DCTD: variants seen among roughly 807,000 people sequenced by gnomAD.
The protein encoded by DCTD is deoxycytidylate deaminase.
A neutral mutation model predicts 21.0 loss-of-function variants in DCTD; 23 were observed. The observed-to-expected ratio is 1.09, with a 90% CI of 0.79 to 1.55. The LOEUF is 1.55. Ranked by LOEUF, DCTD falls within the 40% of genes most tolerant of loss-of-function variation. The probability of loss-of-function intolerance (pLI) is 0.00; values close to 1 mark genes in which losing one functional copy is unlikely to be tolerated. For missense variants in DCTD, 224 were observed against 230.0 expected (o/e 0.97, Z 0.17); for synonymous variants, 71 against 81.1 (o/e 0.88, Z 0.67).
At position 182,900,085 on chromosome 4, in the gene DCTD, G is replaced by A. The variant is rs531802069; in HGVS notation, c.245-5480C>T. Among the ~76,000 whole-genome samples, 9 of 152,208 alleles carry A rather than the reference G, an allele frequency of 5.9e-5. No homozygotes were observed. In the South Asian group the frequency reaches 1.0e-3, roughly 18 times the overall value. On this transcript the variant is annotated intron_variant, in intron 3 of 5. Coordinates refer to ENST00000438320, the MANE Select transcript of DCTD (RefSeq NM_001921.3). Reference sequence around the variant, plus strand: ...ATCCCAGCACTTTGGGAGGCCAAGTGGGGGAGATCGTTTGAGCTCAAGAGT... The same window carrying A: ...ATCCCAGCACTTTGGGAGGCCAAGTAGGGGAGATCGTTTGAGCTCAAGAGT...
chr4:182,915,906 G>C (rs1738646667), intron 1 of DCTD: 1 of 1,095,004 alleles, frequency 9.1e-7, no homozygotes, highest in Non-Finnish European at 1.1e-6. Flanking sequence ...AGCGGAGTCA[G>C]CACAGGAGGA....
chr4:182,894,770 T>A (rs952837423), intron 3 of DCTD, among the ~76,000 whole-genome samples, 165 bp from the exon 4 acceptor site: 1 of 152,240 alleles, frequency 6.6e-6, no homozygotes, highest in African/African-American at 2.4e-5. Flanking sequence ...GAGGCCCACG[T>A]GGTCTGGCTG....
At chr4:182,893,853 C>T (rs974930578) in intron 4 of DCTD, among the ~76,000 whole-genome samples, 4 of 152,242 alleles carry the variant, frequency 2.6e-5, no homozygotes, top group African/African-American at 7.2e-5. Context: ...TGGTGATAAA[C>T]GGCCCCTTCA....
At chr4:182,916,332 G>A (rs1027304614) in intron 1 of DCTD, 60 of 968,032 alleles carry the variant, frequency 6.2e-5, no homozygotes, top group Non-Finnish European at 6.9e-5. Flanking sequence ...CCACGAAGGG[G>A]GTCCTAGGAC....
intron 3 of DCTD, among the ~76,000 whole-genome samples, chr4:182,908,703 AAAGAAGAAGAAG>A (rs1216280738): frequency 1.5e-5 from 2 of 134,848 alleles, no homozygotes; most frequent in Admixed American, 1.4e-4. Flanking sequence ...AAAAAAAAAA[AAAGAAGAAGAAG>A]AAGAAGAAGA....
In DCTD at chr4:182,917,272, C is replaced by T. The variant is rs1738904719; in HGVS notation, c.-8+39G>A. On this transcript the variant is annotated intron_variant, in intron 1 of 5. Coordinates refer to ENST00000438320, the MANE Select transcript of DCTD (RefSeq NM_001921.3). This position sits in a 1 kb window ranked among gnomAD's most constrained non-coding sequence, Gnocchi z 4.9. ...GGTGCCACGCGGCGGTGGCTAGGGG[C>T]GCGCGGGCCGCGTACCCGCACGGCT... The T allele has an allele frequency of 9.7e-7, 1 of 1,031,348 alleles. No homozygotes were observed. The highest frequency in any genetic ancestry group is 1.2e-6 in the Non-Finnish European group (1 of 861,730). 63.9% of individuals were successfully genotyped at this position (1,031,348 alleles called of 1,614,324 possible).
chr4:182,894,643 G>T, intron 3 of DCTD, 38 bp from the exon 4 acceptor site: 1 of 1,345,212 alleles, frequency 7.4e-7, no homozygotes, highest in Non-Finnish European at 1.1e-6. Context: ...AACTTTGGTT[G>T]CAGCTCATGA....
intron 3 of DCTD, among the ~76,000 whole-genome samples, chr4:182,908,552 C>T (rs912731778): frequency 5.3e-5 from 8 of 151,732 alleles, no homozygotes; most frequent in East Asian, 1.9e-4. Context: ...CGTGGTGGCA[C>T]GTGCCTGTAA....
At chr4:182,895,391 A>G (rs549102709) in intron 3 of DCTD, among the ~76,000 whole-genome samples, 16 of 152,312 alleles carry the variant, frequency 1.1e-4, no homozygotes, top group Non-Finnish European at 1.8e-4. Flanking sequence ...TTTATAAGAA[A>G]AACATTCATC....
intron 3 of DCTD, among the ~76,000 whole-genome samples, chr4:182,909,545 G>C (rs977581487): frequency 6.6e-6 from 1 of 152,178 alleles, no homozygotes; most frequent in Non-Finnish European, 1.5e-5. Flanking sequence ...AAATTCTGCA[G>C]GAAAAGAAAC....
chr4:182,905,573 C>T (rs538130981), intron 3 of DCTD, among the ~76,000 whole-genome samples: 4 of 152,160 alleles, frequency 2.6e-5, no homozygotes, highest in African/African-American at 7.2e-5. Context: ...ATGATCTCCC[C>T]GCCTCGGCCT....
intron 3 of DCTD, among the ~76,000 whole-genome samples, chr4:182,897,966 C>A (rs1487635735): frequency 6.6e-6 from 1 of 152,220 alleles, no homozygotes; most frequent in Non-Finnish European, 1.5e-5. Context: ...CCGCCCTGTA[C>A]CTCCTTTTGG....
chr4:182,913,715 T>C (rs948651284), intron 3 of DCTD, among the ~76,000 whole-genome samples: 1 of 152,188 alleles, frequency 6.6e-6, no homozygotes, highest in African/African-American at 2.4e-5. Context: ...AGACATAAAA[T>C]ACAGGGCCTA....
chr4:182,900,282 C>A (rs992554891), intron 3 of DCTD, among the ~76,000 whole-genome samples: 2 of 151,888 alleles, frequency 1.3e-5, no homozygotes, highest in African/African-American at 2.4e-5. Flanking sequence ...CACCACTGTA[C>A]TCCAGTCTGG....
At chr4:182,908,682 C>CAAA (rs34915632) in intron 3 of DCTD, among the ~76,000 whole-genome samples, 537 of 62,422 alleles carry the variant, frequency 8.6e-3, no homozygotes, top group Non-Finnish European at 0.01. Context: ...GACTCTGTCT[C>CAAA]AAAAAAAAAA....
chr4:182,915,923 A>T (rs1031794309), intron 1 of DCTD: 2 of 1,062,394 alleles, frequency 1.9e-6, no homozygotes, highest in Non-Finnish European at 2.3e-6. Flanking sequence ...AGGAGGGTGG[A>T]AAAAAGAAAT....
At position 182,915,544 on chromosome 4, in the gene DCTD, G is replaced by A. The variant is rs746633039; in HGVS notation, c.25C>T (p.Arg9Trp). 1.3e-5 allele frequency: 21 copies of A among 1,612,872 alleles called. No individual in the cohort carries two copies. The South Asian group carries it at 1.8e-4, about 13-fold the overall frequency. ...TCTGGCCATTCCAAATAGTCGTCCC[G>A]TTTCTTGCAGGAAACTTCACTCATG... MSEVSCKK[R>W]DDYLEWPEYF... The change falls in exon 2 of 6, where the codon CGG becomes TGG. Residue 9 changes from arginine to tryptophan, a missense_variant. By Grantham distance (101) the Arg-to-Trp change is moderately radical. Transcript: ENST00000438320.
At chr4:182,905,963 C>T (rs189832757) in intron 3 of DCTD, among the ~76,000 whole-genome samples, 135 of 152,260 alleles carry the variant, frequency 8.9e-4, no homozygotes, top group African/African-American at 3.2e-3. Context: ...ACCTCTTCCA[C>T]CCTTTATCAC....
intron 3 of DCTD, among the ~76,000 whole-genome samples, chr4:182,898,491 T>A (rs968439425): frequency 6.6e-6 from 1 of 152,232 alleles, no homozygotes; most frequent in African/African-American, 2.4e-5. Context: ...ATGTCTTTGC[T>A]TTTTTCCTAA....
Sources: gnomAD v4.1 joint callset for allele counts (sites outside exome capture counted in the v4.1 genomes callset) on GRCh38, gnomAD v4.1.1 for gene constraint, Gnocchi (gnomAD v3.1) non-coding constraint, MANE v1.5 for transcripts, NCBI Gene and HGNC (gene_info 2026-07-23, HGNC 2026-07-21) for gene names.